The following AFG2A variants were observed in gnomAD, a reference collection of about 807,000 sequenced individuals.
AFG2A encodes ATPase family gene 2 protein homolog A.
chr4:123,078,273 T>G, the AFG2A span, among the ~76,000 whole-genome samples: 8 of 152,240 alleles, frequency 5.3e-5, no homozygotes, highest in African/African-American at 1.9e-4. Flanking sequence ...AAATCTGTTT[T>G]GACTGTTGGA....
the AFG2A span, among the ~76,000 whole-genome samples, chr4:123,185,332 C>G: frequency 6.6e-6 from 1 of 151,776 alleles, no homozygotes. Context: ...TTCATAACAT[C>G]AAAAAAGTCA....
the AFG2A span, chr4:123,314,552 C>G: frequency 6.6e-6 from 1 of 152,234 alleles, no homozygotes. Context: ...GCCAGCCAGG[C>G]TTATGTGGCC....
At chr4:123,261,754 C>T in the AFG2A span, among the ~76,000 whole-genome samples, 1 of 151,864 alleles carries the variant, frequency 6.6e-6, no homozygotes, top group Admixed American at 6.6e-5. Context: ...TTTTGTTTTC[C>T]TTGTTTAGCT....
the AFG2A span, among the ~76,000 whole-genome samples, chr4:123,074,266 C>T: frequency 6.6e-6 from 1 of 151,216 alleles, no homozygotes; most frequent in Non-Finnish European, 1.5e-5. Flanking sequence ...GGCTAATTTT[C>T]GTATTTTTTA....
the AFG2A span, chr4:122,934,091 T>C: frequency 6.3e-7 from 1 of 1,582,156 alleles, no homozygotes; most frequent in East Asian, 2.3e-5. Flanking sequence ...ATATACTGTT[T>C]TCTAGATGGC....
chr4:123,167,449 G>A, the AFG2A span, among the ~76,000 whole-genome samples: 60 of 152,030 alleles, frequency 3.9e-4, no homozygotes, highest in Non-Finnish European at 7.2e-4. Flanking sequence ...CTGGTTTCAC[G>A]CCATTCTCCT....
At chr4:123,014,366 T>A in the AFG2A span, among the ~76,000 whole-genome samples, 1 of 152,222 alleles carries the variant, frequency 6.6e-6, no homozygotes, top group Non-Finnish European at 1.5e-5. Flanking sequence ...TCTTAATTTT[T>A]GTTACTTTTT....
At chr4:122,981,636 A>G in the AFG2A span, among the ~76,000 whole-genome samples, 1 of 151,828 alleles carries the variant, frequency 6.6e-6, no homozygotes, top group Admixed American at 6.6e-5. Context: ...TAATAGTGTT[A>G]ATTTTTAAAA....
chr4:123,002,710 T>C, the AFG2A span, among the ~76,000 whole-genome samples: 2 of 152,192 alleles, frequency 1.3e-5, no homozygotes, highest in Non-Finnish European at 2.9e-5. Flanking sequence ...GTGGGTAACC[T>C]GACCTTTCTC....
chr4:123,017,157 AGGGAAG>A, the AFG2A span, among the ~76,000 whole-genome samples: 99 of 67,808 alleles, frequency 1.5e-3, 3 homozygotes, highest in African/African-American at 4.5e-3. Flanking sequence ...GAGGGGGGAG[AGGGAAG>A]GGGAGAGGGA....
At chr4:122,965,964 G>A in the AFG2A span, among the ~76,000 whole-genome samples, 3 of 152,120 alleles carry the variant, frequency 2.0e-5, no homozygotes, top group Non-Finnish European at 4.4e-5. Context: ...TGAGGTAACT[G>A]ATGGCCAAAA....
the AFG2A span, among the ~76,000 whole-genome samples, chr4:123,223,184 A>T: frequency 6.6e-6 from 1 of 152,156 alleles, no homozygotes; most frequent in African/African-American, 2.4e-5. Context: ...GTTTTTCCAC[A>T]TCCTCACCAA....
the AFG2A span, among the ~76,000 whole-genome samples, chr4:123,155,631 C>A: frequency 2.3e-5 from 2 of 88,166 alleles, no homozygotes; most frequent in Admixed American, 2.2e-4. Context: ...AAAAAAATAA[C>A]TATCTGTAGC....
the AFG2A span, among the ~76,000 whole-genome samples, chr4:123,283,468 C>CA: frequency 2.6e-5 from 4 of 151,846 alleles, no homozygotes; most frequent in Non-Finnish European, 4.4e-5. Flanking sequence ...TAAGCTAATG[C>CA]AAAAAAAGAA....
At chr4:123,007,576 G>A in the AFG2A span, among the ~76,000 whole-genome samples, 13 of 3,762 alleles carry the variant, frequency 3.5e-3, no homozygotes, top group African/African-American at 5.3e-3. Context: ...ATATGTGTGT[G>A]TGTGTGTGTG....
chr4:123,285,131 A>T, the AFG2A span, among the ~76,000 whole-genome samples: 1 of 152,078 alleles, frequency 6.6e-6, no homozygotes, highest in Admixed American at 6.6e-5. Context: ...CCCTCTGCAC[A>T]CTGCTAAGCT....
the AFG2A span, chr4:123,090,814 G>A: frequency 5.5e-5 from 80 of 1,444,274 alleles, no homozygotes; most frequent in Non-Finnish European, 7.3e-5. Context: ...TCATTTAGAG[G>A]ATATTGAAGA....
the AFG2A span, chr4:122,923,409 C>T: frequency 6.8e-7 from 1 of 1,480,582 alleles, no homozygotes; most frequent in South Asian, 1.3e-5. Context: ...GAAAGTTGGG[C>T]GTGGCATGGG....
chr4:123,277,633 A>G, the AFG2A span, among the ~76,000 whole-genome samples: 1 of 152,126 alleles, frequency 6.6e-6, no homozygotes, highest in Non-Finnish European at 1.5e-5. Context: ...GGCTCTTATT[A>G]TTTTGAAGTT....
Sources: allele counts gnomAD v4.1 joint callset (sites outside exome capture counted in the v4.1 genomes callset), GRCh38; gene constraint gnomAD v4.1.1; transcripts MANE v1.5; gene names NCBI Gene and HGNC (gene_info 2026-07-23, HGNC 2026-07-21).